ZNF566: variants seen among roughly 807,000 people sequenced by gnomAD.
ZNF566 encodes zinc finger protein 566.
A neutral mutation model predicts 32.8 loss-of-function variants in ZNF566; 27 were observed. The observed-to-expected ratio is 0.82, with a 90% CI of 0.61 to 1.14. ZNF566 has a LOEUF of 1.14. ZNF566 is among the 50% of genes most tolerant of loss of function. The pLI is 0.00. For missense variants in ZNF566, 402 were observed against 490.4 expected, an observed-to-expected ratio of 0.82 and a Z score of 1.70; for synonymous variants, 154 against 159.5, an observed-to-expected ratio of 0.97 and a Z score of 0.26.
chr19:36,463,537 CTTTTTTT>C (rs56787323), intron 4 of ZNF566, among the ~76,000 whole-genome samples: 64 of 106,292 alleles, frequency 6.0e-4, no homozygotes, highest in South Asian at 6.7e-4. Flanking sequence ...AATGTAATTT[CTTTTTTT>C]TTTTTTTTTT....
At chr19:36,454,317 G>C (rs531533700) in intron 4 of ZNF566, among the ~76,000 whole-genome samples, 145 of 151,868 alleles carry the variant, frequency 9.5e-4, no homozygotes, top group African/African-American at 3.5e-3. Context: ...AAGACAAAGA[G>C]AAAGACATCA....
chr19:36,452,748 G>T (rs2033188793), intron 4 of ZNF566, among the ~76,000 whole-genome samples: 1 of 151,960 alleles, frequency 6.6e-6, no homozygotes, highest in Admixed American at 6.6e-5. Flanking sequence ...TCACTGTAAA[G>T]GCAGGAATAT....
At chr19:36,470,024 C>T (rs1263601635) in intron 4 of ZNF566, among the ~76,000 whole-genome samples, 1 of 152,134 alleles carries the variant, frequency 6.6e-6, no homozygotes, top group African/African-American at 2.4e-5. Context: ...TCCTGAGTTC[C>T]TGAGTTCACC....
intron 1 of ZNF566, among the ~76,000 whole-genome samples, chr19:36,477,656 A>G (rs1237783683): frequency 6.6e-6 from 1 of 151,408 alleles, no homozygotes; most frequent in Non-Finnish European, 1.5e-5. Context: ...CTCCTGCCTC[A>G]GCCTCCTAAG....
At chr19:36,472,110 C>T (rs1388379625) in intron 4 of ZNF566, among the ~76,000 whole-genome samples, 2 of 152,192 alleles carry the variant, frequency 1.3e-5, no homozygotes, top group African/African-American at 2.4e-5. Context: ...ATAGTCACTA[C>T]AGAGACATAA....
At chr19:36,489,433 G>C (rs1241936000) in intron 1 of ZNF566, 53 bp downstream of exon 1, 1 of 299,274 alleles carries the variant, frequency 3.3e-6, no homozygotes, top group African/African-American at 2.2e-5. Flanking sequence ...GCACAAAGCC[G>C]AGGCTTGGCC....
At chr19:36,464,159 C>T (rs528654132) in intron 4 of ZNF566, among the ~76,000 whole-genome samples, 1 of 152,100 alleles carries the variant, frequency 6.6e-6, no homozygotes, top group African/African-American at 2.4e-5. Flanking sequence ...AGAGATGTGT[C>T]CTATCAGAAA....
Position 36,448,002 on chromosome 19 carries a change from A to G in ZNF566, c.*975T>C, listed in dbSNP as rs1306203767. 2 of 152,134 alleles carry G rather than the reference A, an allele frequency of 1.3e-5. No homozygotes were observed. Among genetic ancestry groups the G allele is most frequent in the Non-Finnish European group, 2.9e-5 (2 of 68,016 alleles). 9.4% of individuals were successfully genotyped at this position (152,134 alleles called of 1,614,324 possible). On this transcript the variant is annotated 3_prime_UTR_variant, in exon 5 of 5. Coordinates refer to ENST00000452939, the MANE Select transcript of ZNF566 (RefSeq NM_001145344.1). Reference sequence around the variant, plus strand: ...AGGCACAATTCTAAGCACTTTATCGATCTTAATTCATTTAATCCTCACAAA... The same window carrying G: ...AGGCACAATTCTAAGCACTTTATCGGTCTTAATTCATTTAATCCTCACAAA...
At chr19:36,451,107 T>C (rs2033145846) in intron 4 of ZNF566, among the ~76,000 whole-genome samples, 1 of 152,252 alleles carries the variant, frequency 6.6e-6, no homozygotes, top group Non-Finnish European at 1.5e-5. Flanking sequence ...CAAATGTGGC[T>C]GGTAGCTTTT....
rs142641057 is a variant in ZNF566, at chr19:36,485,227, G to C, written c.-60+4259C>G. On this transcript the variant is annotated intron_variant, in intron 1 of 4. Coordinates refer to ENST00000452939, the MANE Select transcript of ZNF566 (RefSeq NM_001145344.1). ...AAACAGGAGGATGGCTTGAAAGCAG[G>C]AGTTCAAGACCAGCCTGGGCAATAT... Among the ~76,000 whole-genome samples the C allele has an allele frequency of 6.9e-4, 100 of 144,800 alleles. 1 individual carries two copies. In the East Asian group the frequency reaches 0.011, roughly 16 times the overall value. 95.0% of individuals were successfully genotyped at this position (144,800 alleles called of 152,430 possible).
At chr19:36,454,391 A>G (rs181506663) in intron 4 of ZNF566, among the ~76,000 whole-genome samples, 1 of 152,276 alleles carries the variant, frequency 6.6e-6, no homozygotes, top group African/African-American at 2.4e-5. Flanking sequence ...AAGACACTAT[A>G]AAACAGTCAG....
At chr19:36,475,649 A>C (rs2033866331) in intron 2 of ZNF566, among the ~76,000 whole-genome samples, 1 of 152,162 alleles carries the variant, frequency 6.6e-6, no homozygotes, top group South Asian at 2.1e-4. Flanking sequence ...TTTGGTAGAA[A>C]TCTGAGATAG....
chr19:36,462,264 A>G (rs543088584), intron 4 of ZNF566, among the ~76,000 whole-genome samples: 2 of 152,294 alleles, frequency 1.3e-5, no homozygotes, highest in African/African-American at 4.8e-5. Context: ...CTGGGATTAC[A>G]GACATGAGCC....
At chr19:36,488,197 C>T (rs1035562974) in intron 1 of ZNF566, among the ~76,000 whole-genome samples, 3 of 152,152 alleles carry the variant, frequency 2.0e-5, no homozygotes, top group African/African-American at 7.2e-5. Context: ...ATCCTCTCAT[C>T]TCAACCTCCT....
At chr19:36,466,362 G>A (rs1044069775) in intron 4 of ZNF566, among the ~76,000 whole-genome samples, 10 of 151,804 alleles carry the variant, frequency 6.6e-5, no homozygotes, top group Non-Finnish European at 1.2e-4. Flanking sequence ...CACAATCTGC[G>A]GATGCTCAAG....
intron 4 of ZNF566, among the ~76,000 whole-genome samples, chr19:36,467,790 CAAAAAA>C (rs560803094): frequency 2.3e-5 from 2 of 85,916 alleles, no homozygotes; most frequent in East Asian, 5.0e-4. Flanking sequence ...GACTCCATCT[CAAAAAA>C]AAAAAAAAAA....
chr19:36,472,445 T>A (rs1395633762), intron 4 of ZNF566, among the ~76,000 whole-genome samples: 1 of 152,204 alleles, frequency 6.6e-6, no homozygotes, highest in Middle Eastern at 3.2e-3. Context: ...CCTAGCTGAG[T>A]GCCTTATACA....
chr19:36,480,755 C>T lies in ZNF566; in HGVS notation c.-59-4139G>A, dbSNP rs74651397. Among the ~76,000 whole-genome samples, 226 of 151,770 alleles carry T rather than the reference C, an allele frequency of 1.5e-3. 3 individuals are homozygous for T. In the East Asian group the frequency reaches 0.02, roughly 13 times the overall value. On this transcript the variant is annotated intron_variant, in intron 1 of 4. Coordinates refer to ENST00000452939, the MANE Select transcript of ZNF566 (RefSeq NM_001145344.1). Reference sequence around the variant, plus strand: ...AATGTTTAAAAGCTTCGGGGCCAGGCGTGGTGGCTTATGCCTGTAATCCCA... The same window carrying T: ...AATGTTTAAAAGCTTCGGGGCCAGGTGTGGTGGCTTATGCCTGTAATCCCA...
intron 4 of ZNF566, 132 bp from the exon 5 acceptor site, chr19:36,450,133 T>C (rs915904708): frequency 1.4e-6 from 1 of 713,226 alleles, no homozygotes; most frequent in African/African-American, 1.8e-5. Context: ...AGAAGACAGG[T>C]TACATAATAA....
Sources: gnomAD v4.1 joint callset for allele counts (sites outside exome capture counted in the v4.1 genomes callset) on GRCh38, gnomAD v4.1.1 for gene constraint, MANE v1.5 for transcripts, NCBI Gene and HGNC (gene_info 2026-07-23, HGNC 2026-07-21) for gene names.